NRXN3: variants seen among roughly 807,000 people sequenced by gnomAD.
NRXN3 encodes neurexin III.
NRXN3 carries 32 observed loss-of-function variants against 137.6 expected under a neutral mutation model. That is an observed-to-expected ratio of 0.23 (90% CI 0.18 to 0.31). The LOEUF is 0.31. Ranked by LOEUF, NRXN3 falls within the 10% of genes least tolerant of loss-of-function variation. The pLI, the probability that NRXN3 is intolerant of heterozygous loss-of-function variation, is 1.00. For synonymous variants in NRXN3, 798 were observed against 784.5 expected, an observed-to-expected ratio of 1.02 and a Z score of -0.29; for missense variants, 1,574 against 2,062.5, an observed-to-expected ratio of 0.76 and a Z score of 4.59.
chr14:79,323,354 T>C (rs1031872103), intron 15 of NRXN3, among the ~76,000 whole-genome samples: 2 of 152,150 alleles, frequency 1.3e-5, no homozygotes, highest in African/African-American at 4.8e-5. Flanking sequence ...ATGGTGTTTT[T>C]AAAGGAGGAA....
intron 15 of NRXN3, among the ~76,000 whole-genome samples, chr14:79,185,619 C>A (rs894148110): frequency 5.9e-5 from 9 of 152,064 alleles, no homozygotes; most frequent in Non-Finnish European, 1.0e-4. Context: ...GCGCCCGCCA[C>A]CACGCCCGGC....
At position 78,973,542 on chromosome 14, in the gene NRXN3, G is replaced by A. The variant is rs55744457; in HGVS notation, c.3142+5196G>A. Among the ~76,000 whole-genome samples, 749 of 152,192 alleles carry A rather than the reference G, an allele frequency of 4.9e-3. 6 individuals are homozygous for A. Among genetic ancestry groups the A allele is most frequent in the African/African-American group, 0.017 (703 of 41,512 alleles). On this transcript the variant is annotated intron_variant, in intron 14 of 20. Transcript: ENST00000335750. ...GTTGAGCACTTTAATTTCCTGTTTT[G>A]TGATCGCAGGAAAAAAGTACTCTTG...
intron 15 of NRXN3, among the ~76,000 whole-genome samples, chr14:79,341,893 C>A (rs2092628795): frequency 6.6e-6 from 1 of 152,130 alleles, no homozygotes; most frequent in Non-Finnish European, 1.5e-5. Flanking sequence ...TGATCAATTG[C>A]AAGTCAGAGT....
intron 4 of NRXN3, among the ~76,000 whole-genome samples, chr14:78,491,319 A>G (rs1478543384): frequency 6.6e-6 from 1 of 152,096 alleles, no homozygotes; most frequent in Non-Finnish European, 1.5e-5. Flanking sequence ...ATTCTGGTCA[A>G]GTCCTTCCTG....
chr14:78,186,767 G>C (rs188468716), intron 1 of NRXN3, among the ~76,000 whole-genome samples: 32 of 152,234 alleles, frequency 2.1e-4, no homozygotes, highest in Admixed American at 2.1e-3. Context: ...AGCTGCAGTA[G>C]GGGAGATAAA....
At chr14:78,497,868 G>A (rs746414265) in intron 4 of NRXN3, among the ~76,000 whole-genome samples, 4 of 152,278 alleles carry the variant, frequency 2.6e-5, no homozygotes, top group African/African-American at 4.8e-5. Context: ...CAAATGTATC[G>A]AAGAGTTGTT....
chr14:79,022,713 G>A (rs1568019269), intron 15 of NRXN3, among the ~76,000 whole-genome samples: 1 of 152,164 alleles, frequency 6.6e-6, no homozygotes, highest in Non-Finnish European at 1.5e-5. Context: ...TGGATGAGGT[G>A]ATGGATGCTT....
chr14:78,885,213 A>T (rs2099140169), intron 10 of NRXN3, among the ~76,000 whole-genome samples: 1 of 149,400 alleles, frequency 6.7e-6, no homozygotes, highest in Non-Finnish European at 1.5e-5. Flanking sequence ...AAATATATAA[A>T]TATAAATTAC....
rs1277177099 is a variant in NRXN3, at chr14:78,988,017, AC to A, written c.3143-4del. 6.2e-7 allele frequency: 1 copy of A among 1,613,172 alleles called. No homozygotes were observed. The highest frequency in any genetic ancestry group is 1.7e-5 in the Admixed American group (1 of 59,914). ...TTTTTTTCCCCTCTTCTTGTGCATT[AC>A]TAGGACCCAGTACCACCTGCCAGGA... On this transcript the variant is annotated splice_region_variant and splice_polypyrimidine_tract_variant and intron_variant, in intron 14 of 20. Transcript: ENST00000335750.
At chr14:79,148,228 C>G (rs1211562316) in intron 15 of NRXN3, among the ~76,000 whole-genome samples, 1 of 152,024 alleles carries the variant, frequency 6.6e-6, no homozygotes, top group Non-Finnish European at 1.5e-5. Flanking sequence ...ACTGGAAGCT[C>G]AGAGGGTTCA....
chr14:78,926,719 AATT>A (rs1567721593), intron 10 of NRXN3, among the ~76,000 whole-genome samples: 1 of 82,128 alleles, frequency 1.2e-5, no homozygotes, highest in Non-Finnish European at 2.2e-5. Flanking sequence ...TATATTATAT[AATT>A]ATATATAATA....
intron 1 of NRXN3, among the ~76,000 whole-genome samples, chr14:78,201,580 T>A (rs911450528): frequency 2.0e-5 from 3 of 152,184 alleles, no homozygotes; most frequent in Non-Finnish European, 2.9e-5. Flanking sequence ...GGAGCCTGCA[T>A]CGAGGACTGG....
At chr14:79,699,767 A>T (rs559210735) in intron 19 of NRXN3, among the ~76,000 whole-genome samples, 2 of 152,030 alleles carry the variant, frequency 1.3e-5, no homozygotes, top group African/African-American at 4.8e-5. Context: ...TCTCTCTGGC[A>T]TGTGTTTCTT....
At chr14:79,418,090 A>G (rs1461895549) in intron 15 of NRXN3, among the ~76,000 whole-genome samples, 1 of 152,116 alleles carries the variant, frequency 6.6e-6, no homozygotes, top group Non-Finnish European at 1.5e-5. Context: ...GAAAGAAAGA[A>G]CATCCAAAAC....
chr14:78,817,773 T>G (rs1200695935), intron 10 of NRXN3, among the ~76,000 whole-genome samples: 2 of 152,142 alleles, frequency 1.3e-5, no homozygotes, highest in Non-Finnish European at 2.9e-5. Context: ...CACTAACCCC[T>G]GCCTGAGGGC....
intron 15 of NRXN3, among the ~76,000 whole-genome samples, chr14:79,452,775 A>T (rs1372963335): frequency 6.6e-6 from 1 of 152,228 alleles, no homozygotes; most frequent in Non-Finnish European, 1.5e-5. Context: ...ATCACAAAAC[A>T]CTAGCAAAAG....
chr14:78,246,767 T>C (rs1335840810), intron 2 of NRXN3, among the ~76,000 whole-genome samples: 3 of 126,608 alleles, frequency 2.4e-5, no homozygotes, highest in African/African-American at 9.0e-5. Context: ...AGCTGCTAAG[T>C]GTCAAATAGA....
At chr14:78,747,431 A>G (rs1019257749) in intron 8 of NRXN3, among the ~76,000 whole-genome samples, 5 of 152,244 alleles carry the variant, frequency 3.3e-5, no homozygotes, top group African/African-American at 7.2e-5. Context: ...CTAAGGCTAG[A>G]TAACTGGTAA....
At chr14:78,912,826 T>G (rs1333852789) in intron 10 of NRXN3, among the ~76,000 whole-genome samples, 1 of 152,200 alleles carries the variant, frequency 6.6e-6, no homozygotes, top group Non-Finnish European at 1.5e-5. Flanking sequence ...TTATAGCCTT[T>G]TCTGGAAATT....
Sources: gnomAD v4.1 joint callset for allele counts (sites outside exome capture counted in the v4.1 genomes callset) on GRCh38, gnomAD v4.1.1 for gene constraint, MANE v1.5 for transcripts, NCBI Gene and HGNC (gene_info 2026-07-23, HGNC 2026-07-21) for gene names.